NOC4L: variants seen among roughly 807,000 people sequenced by gnomAD.
The protein encoded by NOC4L is nucleolar complex associated 4 homolog.
Under a neutral mutation model 62.8 loss-of-function variants are expected in NOC4L, and 40 were observed. That is an observed-to-expected ratio of 0.64 (90% CI 0.49 to 0.83). The LOEUF is 0.83. Ranked by LOEUF, NOC4L falls within the 40% of genes least tolerant of loss-of-function variation. The pLI, the probability that NOC4L is intolerant of heterozygous loss-of-function variation, is 0.00. For synonymous variants in NOC4L, 433 were observed against 299.8 expected, an observed-to-expected ratio of 1.44 and a Z score of -4.59; for missense variants, 927 against 701.9, an observed-to-expected ratio of 1.32 and a Z score of -3.62.
chr12:132,145,862 T>C (rs922008406), intron 3 of NOC4L, among the ~76,000 whole-genome samples, 197 bp downstream of exon 3: 3 of 152,154 alleles, frequency 2.0e-5, no homozygotes, highest in African/African-American at 7.2e-5. Context: ...AGACGCAGAA[T>C]CCGTGTTCAT....
chr12:132,148,433 G>T (rs1897808186), intron 7 of NOC4L, among the ~76,000 whole-genome samples, 176 bp from the exon 8 acceptor site: 1 of 152,210 alleles, frequency 6.6e-6, no homozygotes, highest in Non-Finnish European at 1.5e-5. Flanking sequence ...TGAGACTCCA[G>T]CCTCGAGGGC....
chr12:132,148,690 C>A, intron 8 of NOC4L, 31 bp downstream of exon 8: 1 of 1,531,380 alleles, frequency 6.5e-7, no homozygotes, highest in Non-Finnish European at 8.8e-7. Flanking sequence ...GGGGCGGGGG[C>A]GGCATCCGGG....
Position 132,152,299 on chromosome 12 carries a change from G to C in NOC4L, c.1449G>C (p.Leu483=), listed in dbSNP as rs757123480. 1 of 1,561,326 alleles carries C rather than the reference G, an allele frequency of 6.4e-7. No homozygotes were observed. Among genetic ancestry groups the C allele is most frequent in the East Asian group, 2.4e-5 (1 of 41,434 alleles). Residue 483 remains leucine (L), a synonymous_variant, in exon 15 of 15, where the codon CTG becomes CTC. Coordinates refer to ENST00000330579, the MANE Select transcript of NOC4L (RefSeq NM_024078.3). Reference sequence around the variant, plus strand: ...CTTTGCAGATCTTTGAGCGGGACCTGAAGAAGAAGGGGCCCGAGCCGGTGC... The same window carrying C: ...CTTTGCAGATCTTTGAGCGGGACCTCAAGAAGAAGGGGCCCGAGCCGGTGC... The part of the protein sequence containing the change: ...LTAYEIFERD[L]KKKGPEPVPL...
Position 132,152,182 on chromosome 12 carries a change from G to C in NOC4L, c.1416G>C (p.Glu472Asp). Residue 472 changes from glutamate to aspartate, a missense_variant, in exon 14 of 15, where the codon GAG (glutamate) becomes GAC (aspartate). Transcript: ENST00000330579. ...AGGTCAGCATCGCGCCACTGCTGGA[G>C]CTCACGGCCTACGAGGTGCGGAACT... ...MPEVSIAPLL[E>D]LTAYEIFERD... 2 of 1,612,072 alleles carry C rather than the reference G, an allele frequency of 1.2e-6. No homozygotes were observed. The highest frequency in any genetic ancestry group is 1.7e-6 in the Non-Finnish European group (2 of 1,179,808).
intron 3 of NOC4L, among the ~76,000 whole-genome samples, chr12:132,145,871 A>G (rs1465223663): frequency 6.6e-6 from 1 of 152,172 alleles, no homozygotes; most frequent in Non-Finnish European, 1.5e-5. Flanking sequence ...ATCCGTGTTC[A>G]TTTCCAGTGG....
rs986891130 is a variant in NOC4L at position 132,147,786 on chromosome 12, G to A, written c.603+4G>A. Reference sequence around the variant, plus strand: ...GGTCACTGGCCAGCACCCCGAGGTGGGTGATGGGGTCCTGTCGCCAGCATC... The same window carrying A: ...GGTCACTGGCCAGCACCCCGAGGTGAGTGATGGGGTCCTGTCGCCAGCATC... On this transcript the variant is annotated splice_donor_region_variant and intron_variant, in intron 5 of 14. Transcript: ENST00000330579. 2.5e-6 allele frequency: 4 copies of A among 1,612,240 alleles called. No homozygotes were observed. The African/African-American group carries it at 4.0e-5, about 16-fold the overall frequency.
At chr12:132,148,527 G>A (rs1897812095) in intron 7 of NOC4L, 82 bp from the exon 8 acceptor site, 19 of 1,468,046 alleles carry the variant, frequency 1.3e-5, no homozygotes, top group East Asian at 5.0e-5. Flanking sequence ...GGCTCAGGCT[G>A]GGCTTCGGGG....
rs771178478 is a variant in NOC4L at position 132,152,145 on chromosome 12, T to C, written c.1379T>C (p.Leu460Pro). 3 of 1,611,206 alleles carry C rather than the reference T, an allele frequency of 1.9e-6. No individual in the cohort carries two copies. Among genetic ancestry groups the C allele is most frequent in the Admixed American group, 1.7e-5 (1 of 59,950 alleles). ...SKAASVINQA[L>P]SMPEVSIAPL... ...GCCGCCAGCGTCATCAACCAGGCCC[T>C]GTCCATGCCTGAGGTCAGCATCGCG... The change falls in exon 14 of 15, where the codon CTG becomes CCG. Residue 460 changes from leucine (L) to proline (P), a missense_variant. By Grantham distance (98) the Leu-to-Pro change is moderately conservative. Transcript: ENST00000330579.
chr12:132,145,870 C>T (rs1241269478), intron 3 of NOC4L, among the ~76,000 whole-genome samples: 1 of 152,192 alleles, frequency 6.6e-6, no homozygotes, highest in Non-Finnish European at 1.5e-5. Flanking sequence ...AATCCGTGTT[C>T]ATTTCCAGTG....
At chr12:132,148,565 C>G in intron 7 of NOC4L, 44 bp from the exon 8 acceptor site, 1 of 1,541,038 alleles carries the variant, frequency 6.5e-7, no homozygotes, top group South Asian at 1.2e-5. Flanking sequence ...GGGCTCTGGT[C>G]TGGGGTGGGG....
In NOC4L at chr12:132,149,916, C is replaced by G. The variant is rs368795911; in HGVS notation, c.901+1021C>G. ...CACCCCTAATCCCCTCGGTGAGTGC[C>G]GCCGCCTCGCTCATACCACACCCCT... is the stretch of plus-strand genomic sequence containing the variant. On this transcript the variant is annotated intron_variant, in intron 9 of 14. Transcript: ENST00000330579. 2.6e-3 allele frequency among the ~76,000 whole-genome samples: 17 copies of G among 6,650 alleles called. 1 individual carries two copies. Among genetic ancestry groups the G allele is most frequent in the Admixed American group, 3.5e-3 (3 of 852 alleles). The allele number at this position is 6,650 out of a possible 152,430, so 4.4% of individuals were successfully genotyped here. A position where few individuals can be genotyped will look rare whatever the true frequency, so the allele number is the denominator to read the frequency against.
rs1897639744 is a variant in NOC4L, at chr12:132,144,683, C to T, written c.117+78C>T. On this transcript the variant is annotated intron_variant, in intron 1 of 14. Coordinates refer to ENST00000330579, the MANE Select transcript of NOC4L (RefSeq NM_024078.3). ...AATGGGGGGCTGCGGCGGCAGGTCCCCAGGAGGTTCCGAGACGGCGTTGGG... is the reference window on the plus strand; with the variant it reads ...AATGGGGGGCTGCGGCGGCAGGTCCTCAGGAGGTTCCGAGACGGCGTTGGG... 9 of 1,455,436 alleles carry T rather than the reference C, an allele frequency of 6.2e-6. No homozygotes were observed. In the Admixed American group the frequency reaches 2.2e-4, roughly 36 times the overall value. 90.2% of individuals were successfully genotyped at this position (1,455,436 alleles called of 1,614,324 possible). A position where few individuals can be genotyped will look rare whatever the true frequency, so the allele number is the denominator to read the frequency against.
At chr12:132,151,194 T>C (rs765609098) in intron 10 of NOC4L, 64 bp from the exon 11 acceptor site, 10 of 1,478,220 alleles carry the variant, frequency 6.8e-6, no homozygotes, top group African/African-American at 1.4e-5. Context: ...AGTGAGACCC[T>C]GGCCTTGGAG....
At chr12:132,145,330 C>T (rs1428313823) in intron 2 of NOC4L, among the ~76,000 whole-genome samples, 1 of 152,240 alleles carries the variant, frequency 6.6e-6, no homozygotes, top group Non-Finnish European at 1.5e-5. Context: ...GATCCTGCTC[C>T]TGGCAGCTTG....
At chr12:132,146,445 T>C (rs1477304343) in intron 3 of NOC4L, 1 of 433,740 alleles carries the variant, frequency 2.3e-6, no homozygotes, top group Non-Finnish European at 4.8e-6. Context: ...TACAAACTCT[T>C]GTGTGATGTT....
Position 132,151,595 on chromosome 12 carries a change from G to A in NOC4L, c.1185G>A (p.Leu395=). The A allele has an allele frequency of 6.2e-7, 1 of 1,611,454 alleles. No individual in the cohort carries two copies. The highest frequency in any genetic ancestry group is 8.5e-7 in the Non-Finnish European group (1 of 1,179,472). The change falls in exon 12 of 15, where the codon CTG becomes CTA. Residue 395 remains leucine, a synonymous_variant. Coordinates refer to ENST00000330579, the MANE Select transcript of NOC4L (RefSeq NM_024078.3). Reference sequence around the variant, plus strand: ...TCCTGCCTTTCATCTGTAACCTGCTGCGCCGGCACCCTGCCTGCCGGGTCC... The same window carrying A: ...TCCTGCCTTTCATCTGTAACCTGCTACGCCGGCACCCTGCCTGCCGGGTCC... The part of the protein sequence containing the change: ...LMVLPFICNL[L]RRHPACRVLV...
rs112569492 is a variant in NOC4L, at chr12:132,147,541, G to C, written c.454-92G>C. ...TGGCCCACCCAACCAGGAGGAGTCT[G>C]CCTGGGGGGCTCGATGGGGCAGGGC... is the stretch of plus-strand genomic sequence containing the variant. On this transcript the variant is annotated intron_variant, in intron 4 of 14. Coordinates refer to ENST00000330579, the MANE Select transcript of NOC4L (RefSeq NM_024078.3). 8.4e-4 allele frequency: 1,275 copies of C among 1,526,810 alleles called. 7 individuals are homozygous for C. In the African/African-American group the frequency reaches 0.015, roughly 18 times the overall value. The allele number at this position is 1,526,810 out of a possible 1,614,324, so 94.6% of individuals were successfully genotyped here.
At chr12:132,148,918 C>T (rs11246942) in intron 9 of NOC4L, 23 bp downstream of exon 9, 60,017 of 445,230 alleles carry the variant, frequency 0.13, 7,667 homozygotes, top group Middle Eastern at 0.26. Flanking sequence ...GCCTCGCTCA[C>T]ACCACACCCC....
rs767036822 is a variant in NOC4L, at chr12:132,145,605, C to T, written c.285C>T (p.Arg95=). The T allele has an allele frequency of 3.1e-6, 5 of 1,613,562 alleles. No individual in the cohort carries two copies. The highest frequency in any genetic ancestry group is 4.2e-6 in the Non-Finnish European group (5 of 1,179,920). The part of the protein sequence containing the change: ...TRKYKVWMRH[R]YHSCCNRLGE... ...AGTACAAGGTGTGGATGAGACACCG[C>T]TATCACAGCTGCTGCAATCGCTTGG... is the stretch of plus-strand genomic sequence containing the variant. Residue 95 remains arginine, a synonymous_variant, in exon 3 of 15, where the codon CGC becomes CGT. Coordinates refer to ENST00000330579, the MANE Select transcript of NOC4L (RefSeq NM_024078.3).
Sources: gnomAD v4.1 joint callset for allele counts (sites outside exome capture counted in the v4.1 genomes callset) on GRCh38, gnomAD v4.1.1 for gene constraint, MANE v1.5 for transcripts, NCBI Gene and HGNC (gene_info 2026-07-23, HGNC 2026-07-21) for gene names.